The following ABHD2 variants were observed in gnomAD, a reference collection of about 807,000 sequenced individuals.
ABHD2 encodes the protein abhydrolase domain containing 2, acylglycerol lipase.
A neutral mutation model predicts 48.1 loss-of-function variants in ABHD2; 20 were observed. The ratio of observed to expected loss-of-function variants is 0.42; its 90% CI spans 0.29 to 0.60. The LOEUF is 0.60. Among genes scored for constraint, ABHD2 ranks in the 20% least tolerant of loss-of-function variants. The probability of loss-of-function intolerance (pLI) is 0.24; values close to 1 mark genes in which losing one functional copy is unlikely to be tolerated. For missense variants in ABHD2, 405 were observed against 550.9 expected (o/e 0.74, Z 2.65); for synonymous variants, 209 against 214.2 (o/e 0.98, Z 0.21).
intron 3 of ABHD2, among the ~76,000 whole-genome samples, chr15:89,123,195 C>T (rs1426358915): frequency 1.3e-5 from 2 of 152,180 alleles, no homozygotes; most frequent in African/African-American, 2.4e-5. Flanking sequence ...CCTCTCTGGA[C>T]GTGTCCGCCT....
chr15:89,044,655 T>G, the ABHD2 span, among the ~76,000 whole-genome samples: 1 of 151,786 alleles, frequency 6.6e-6, no homozygotes, highest in Non-Finnish European at 1.5e-5. Context: ...TGATGGCCAG[T>G]GATGGTGAGC....
Position 89,177,353 on chromosome 15 carries a change from C to T in ABHD2, c.722+1358C>T, listed in dbSNP as rs535567648. Reference sequence around the variant, plus strand: ...GTAAAATGAAGGAGGTGGGTTCGATCGGCGGATCACAAAGACCGGTCCAGT... The same window carrying T: ...GTAAAATGAAGGAGGTGGGTTCGATTGGCGGATCACAAAGACCGGTCCAGT... On this transcript the variant is annotated intron_variant, in intron 6 of 10. Coordinates refer to ENST00000352732, the MANE Select transcript of ABHD2 (RefSeq NM_152924.5). This position sits in a 1 kb window ranked among gnomAD's most constrained non-coding sequence, Gnocchi z 5.6. 6.6e-6 allele frequency among the ~76,000 whole-genome samples: 1 copy of T among 152,256 alleles called. No individual in the cohort carries two copies. The highest frequency in any genetic ancestry group is 1.5e-5 in the Non-Finnish European group (1 of 68,012).
chr15:89,049,452 G>A, the ABHD2 span, among the ~76,000 whole-genome samples: 1 of 152,244 alleles, frequency 6.6e-6, no homozygotes, highest in East Asian at 1.9e-4. Context: ...GTTTACCTAA[G>A]GAAGCCTGGG....
At chr15:89,157,496 T>C (rs752591870) in intron 5 of ABHD2, among the ~76,000 whole-genome samples, 5 of 152,198 alleles carry the variant, frequency 3.3e-5, no homozygotes, top group Admixed American at 3.3e-4. Context: ...CAGCTGAAGA[T>C]ACCCATTTTA....
chr15:89,194,816 G>C (rs929259525), intron 10 of ABHD2, among the ~76,000 whole-genome samples: 3 of 152,100 alleles, frequency 2.0e-5, no homozygotes, highest in African/African-American at 7.2e-5. Flanking sequence ...AATCACCTGG[G>C]GAGCTTGAGC....
intron 1 of ABHD2, among the ~76,000 whole-genome samples, chr15:89,110,472 A>G (rs1828241630): frequency 6.6e-6 from 1 of 152,042 alleles, no homozygotes; most frequent in African/African-American, 2.4e-5. Flanking sequence ...CTGCTCCATG[A>G]GGACTTCCTT....
At chr15:89,130,870 T>C (rs1387783536) in intron 3 of ABHD2, among the ~76,000 whole-genome samples, 1 of 151,866 alleles carries the variant, frequency 6.6e-6, no homozygotes, top group East Asian at 1.9e-4. Context: ...ACACCCCTGG[T>C]TTAAAGCAAG....
the ABHD2 span, among the ~76,000 whole-genome samples, chr15:89,046,819 T>C: frequency 6.6e-6 from 1 of 152,220 alleles, no homozygotes; most frequent in East Asian, 1.9e-4. Flanking sequence ...TAGCGGTTTA[T>C]CAATTTTGTT....
chr15:89,044,837 C>T, the ABHD2 span, among the ~76,000 whole-genome samples: 9 of 151,498 alleles, frequency 5.9e-5, no homozygotes, highest in East Asian at 1.6e-3. Flanking sequence ...GTGAAAATTT[C>T]CTCCCATTTT....
At chr15:89,147,676 T>C (rs992272117) in intron 3 of ABHD2, among the ~76,000 whole-genome samples, 13 of 151,846 alleles carry the variant, frequency 8.6e-5, no homozygotes, top group African/African-American at 3.1e-4. Context: ...TAAAACAAAA[T>C]GCAAAACACA....
chr15:89,044,261 C>CTG, the ABHD2 span, among the ~76,000 whole-genome samples: 3 of 152,184 alleles, frequency 2.0e-5, no homozygotes, highest in Non-Finnish European at 2.9e-5. Context: ...GCATGGTATT[C>CTG]CATGGTGTAT....
chr15:89,100,677 G>A lies in ABHD2; in HGVS notation c.-107+12114G>A, dbSNP rs1462413034. 1.3e-5 allele frequency among the ~76,000 whole-genome samples: 2 copies of A among 152,132 alleles called. No individual in the cohort carries two copies. Among genetic ancestry groups the A allele is most frequent in the African/African-American group, 4.8e-5 (2 of 41,410 alleles). ...GAGGTCAGGAGTTCGAGACCAGCCT[G>A]GCCAACATAGTGAAACCCTGTCTCT... On this transcript the variant is annotated intron_variant, in intron 1 of 10. Transcript: ENST00000352732. The surrounding 1 kb of genome is among the most constrained non-coding windows in gnomAD (Gnocchi z 4.4).
Position 89,201,854 on chromosome 15 carries a change from G to T in ABHD2, c.*6431G>T. 1 of 882,070 alleles carries T rather than the reference G, an allele frequency of 1.1e-6. No homozygotes were observed. The highest frequency in any genetic ancestry group is 1.4e-5 in the South Asian group (1 of 70,032). The allele number at this position is 882,070 out of a possible 1,614,324, so 54.6% of individuals were successfully genotyped here. On this transcript the variant is annotated 3_prime_UTR_variant, in exon 11 of 11. Coordinates refer to ENST00000352732, the MANE Select transcript of ABHD2 (RefSeq NM_152924.5). ...GGCTTGCTCGCTGGGGGCGGGGGACGATGGCGAGAGGGGAGGGGGAGCGAG... is the reference window on the plus strand; with the variant it reads ...GGCTTGCTCGCTGGGGGCGGGGGACTATGGCGAGAGGGGAGGGGGAGCGAG...
chr15:89,195,370 C>T lies in ABHD2; in HGVS notation c.1225C>T (p.Arg409Cys), dbSNP rs781538083. 4.3e-6 allele frequency: 7 copies of T among 1,614,142 alleles called. No homozygotes were observed. The highest frequency in any genetic ancestry group is 1.1e-5 in the South Asian group (1 of 91,086). Reference protein sequence around the residue: ...EYANAICQWERNKLQCSDTEQ... With the variant: ...EYANAICQWECNKLQCSDTEQ... ...CGCCAACGCCATTTGCCAATGGGAG[C>T]GTAACAAGTTGCAGTGCTCTGACAC... is the stretch of plus-strand genomic sequence containing the variant. The change falls in exon 11 of 11, where the codon CGT (arginine) becomes TGT (cysteine). Residue 409 changes from arginine to cysteine, a missense_variant. Arg to Cys is a radical substitution (Grantham distance 180). Transcript: ENST00000352732. This position sits in a 1 kb window ranked among gnomAD's most constrained non-coding sequence, Gnocchi z 5.1.
chr15:89,169,975 C>T (rs1269713172), intron 5 of ABHD2, among the ~76,000 whole-genome samples: 1 of 150,086 alleles, frequency 6.7e-6, no homozygotes, highest in Non-Finnish European at 1.5e-5. Flanking sequence ...TGTATGTAAT[C>T]CCTTAAAACC....
In ABHD2 at chr15:89,146,614, TAGTAAAGAAGTAGA is replaced by T. The variant is rs1199066644; in HGVS notation, c.195-5060_195-5047del. Among the ~76,000 whole-genome samples the T allele has an allele frequency of 6.6e-6, 1 of 152,120 alleles. No individual in the cohort carries two copies. Among genetic ancestry groups the T allele is most frequent in the Admixed American group, 6.5e-5 (1 of 15,268 alleles). ...ACATTGGCCACAATACCATAAGGAT[TAGTAAAGAAGTAGA>T]AGAGACTGTTTCTACTTTCAGGGAG... is the stretch of plus-strand genomic sequence containing the variant. On this transcript the variant is annotated intron_variant, in intron 3 of 10. Transcript: ENST00000352732. This position sits in a 1 kb window ranked among gnomAD's most constrained non-coding sequence, Gnocchi z 4.2.
chr15:89,142,182 T>C (rs557190022), intron 3 of ABHD2, among the ~76,000 whole-genome samples: 90 of 152,224 alleles, frequency 5.9e-4, no homozygotes, highest in Admixed American at 3.3e-3. Flanking sequence ...TCAGGATCCC[T>C]GTGGTAAAGT....
intron 3 of ABHD2, among the ~76,000 whole-genome samples, chr15:89,145,133 G>A (rs1421205939): frequency 2.0e-5 from 3 of 152,176 alleles, no homozygotes; most frequent in African/African-American, 7.2e-5. Flanking sequence ...GCAGGTGCCT[G>A]TAATCCCAGC....
intron 3 of ABHD2, among the ~76,000 whole-genome samples, chr15:89,134,003 A>AT (rs1269864027): frequency 6.6e-6 from 1 of 151,274 alleles, no homozygotes; most frequent in Non-Finnish European, 1.5e-5. Flanking sequence ...CGACCGGCTA[A>AT]TTTTTTTTGT....
Sources: allele counts gnomAD v4.1 joint callset (sites outside exome capture counted in the v4.1 genomes callset), GRCh38; gene constraint gnomAD v4.1.1; non-coding constraint Gnocchi (gnomAD v3.1); transcripts MANE v1.5; gene names NCBI Gene and HGNC (gene_info 2026-07-23, HGNC 2026-07-21).